The following ENAH variants were observed in gnomAD, a reference collection of about 807,000 sequenced individuals.
ENAH encodes protein enabled homolog.
Under a neutral mutation model 78.7 loss-of-function variants are expected in ENAH, and 23 were observed. The observed-to-expected ratio is 0.29, with a 90% CI of 0.21 to 0.41. The LOEUF (loss-of-function observed/expected upper bound fraction) is 0.41, where lower values mean the gene tolerates loss of function less well. Ranked by LOEUF, ENAH falls within the 10% of genes least tolerant of loss-of-function variation. ENAH has a pLI of 1.00. For synonymous variants in ENAH, 226 were observed against 241.0 expected (o/e 0.94, Z 0.58); for missense variants, 544 against 691.0 (o/e 0.79, Z 2.39).
rs375781528 is a variant in ENAH at position 225,641,950 on chromosome 1, A to C, written c.5+10736T>G. ...GCAGGAGAATCACTTGAACCCGGGAAGCAGAGGTTGCAGTGAGCCAAGACT... is the reference window on the plus strand; with the variant it reads ...GCAGGAGAATCACTTGAACCCGGGACGCAGAGGTTGCAGTGAGCCAAGACT... On this transcript the variant is annotated intron_variant, in intron 1 of 13. Coordinates refer to ENST00000366843, the MANE Select transcript of ENAH (RefSeq NM_018212.6). 2.0e-5 allele frequency among the ~76,000 whole-genome samples: 3 copies of C among 152,004 alleles called. No homozygotes were observed. The East Asian group carries it at 5.8e-4, about 29-fold the overall frequency.
At chr1:225,513,164 T>C in intron 7 of ENAH, 148 bp from the exon 8 acceptor site, 1 of 657,142 alleles carries the variant, frequency 1.5e-6, no homozygotes, top group South Asian at 3.0e-5. Flanking sequence ...CAATAGATTC[T>C]TAGCATGACT....
chr1:225,574,544 G>A (rs897747589), intron 1 of ENAH, among the ~76,000 whole-genome samples: 2 of 152,046 alleles, frequency 1.3e-5, no homozygotes, highest in East Asian at 1.9e-4. Context: ...AGAGGTTGCC[G>A]TGAGCCAACA....
chr1:225,499,806 T>C lies in ENAH; in HGVS notation c.1617+1186A>G, dbSNP rs140120059. ...AGAATTAGTTTTGAATTGTGTGACT[T>C]TAACACTGAATACCCCAGGAAAAAT... On this transcript the variant is annotated intron_variant, in intron 12 of 13. Transcript: ENST00000366843. Among the ~76,000 whole-genome samples the C allele has an allele frequency of 3.3e-3, 502 of 152,342 alleles. 1 individual carries two copies. Among genetic ancestry groups the C allele is most frequent in the African/African-American group, 0.012 (480 of 41,572 alleles).
At chr1:225,515,881 C>T (rs2096413647) in intron 6 of ENAH, among the ~76,000 whole-genome samples, 2 of 152,106 alleles carry the variant, frequency 1.3e-5, no homozygotes, top group Admixed American at 1.3e-4. Context: ...CTGACTGTGC[C>T]CATTTTGTAC....
intron 4 of ENAH, among the ~76,000 whole-genome samples, chr1:225,525,610 C>G (rs889703074): frequency 6.6e-6 from 1 of 152,184 alleles, no homozygotes; most frequent in Non-Finnish European, 1.5e-5. Flanking sequence ...CTTAGTCGTG[C>G]GGGAATTACC....
rs138225863 is a variant in ENAH at position 225,501,443 on chromosome 1, T to G, written c.1539-373A>C. 8.8e-4 allele frequency among the ~76,000 whole-genome samples: 134 copies of G among 152,352 alleles called. 1 individual carries two copies. Among genetic ancestry groups the G allele is most frequent in the African/African-American group, 3.2e-3 (134 of 41,578 alleles). On this transcript the variant is annotated intron_variant, in intron 11 of 13. Transcript: ENST00000366843. ...AAATAACACAATCTTGTTTTGTCTT[T>G]CTTTTGAACTTTTACATTATCTACT...
intron 11 of ENAH, among the ~76,000 whole-genome samples, chr1:225,505,595 G>T (rs1419103065): frequency 6.7e-6 from 1 of 149,888 alleles, no homozygotes; most frequent in Non-Finnish European, 1.5e-5. Context: ...AAGAGAAATG[G>T]GGACCTTCAC....
chr1:225,581,242 T>C (rs2096816016), intron 1 of ENAH: 7 of 977,682 alleles, frequency 7.2e-6, no homozygotes, highest in Non-Finnish European at 8.5e-6. Context: ...ACTGAATAGA[T>C]TATTTCACCT....
chr1:225,535,376 A>T, intron 3 of ENAH: 1 of 429,166 alleles, frequency 2.3e-6, no homozygotes, highest in Non-Finnish European at 4.2e-6. Context: ...ATCACAACAT[A>T]AAAACAATAG....
At chr1:225,531,106 A>T (rs2096535272) in intron 3 of ENAH, 1 of 398,442 alleles carries the variant, frequency 2.5e-6, no homozygotes, top group South Asian at 1.3e-4. Context: ...CCTTATTACT[A>T]GACTCCAGTA....
At chr1:225,542,164 G>A (rs908549151) in intron 3 of ENAH, among the ~76,000 whole-genome samples, 1 of 152,206 alleles carries the variant, frequency 6.6e-6, no homozygotes, top group African/African-American at 2.4e-5. Context: ...TTACAGGCAT[G>A]AGCCACTGCG....
intron 6 of ENAH, among the ~76,000 whole-genome samples, chr1:225,516,434 A>G (rs1443090993): frequency 6.6e-6 from 1 of 152,182 alleles, no homozygotes; most frequent in East Asian, 1.9e-4. Context: ...AACTGTTCCA[A>G]AGGAAACTCT....
intron 2 of ENAH, among the ~76,000 whole-genome samples, chr1:225,564,661 A>G (rs1447623705): frequency 6.6e-6 from 1 of 150,922 alleles, no homozygotes; most frequent in Non-Finnish European, 1.5e-5. Flanking sequence ...CTGGTCTTGA[A>G]CTCTTGGGCA....
intron 11 of ENAH, among the ~76,000 whole-genome samples, chr1:225,503,658 C>CAAAAA (rs10683254): frequency 0.051 from 4,136 of 81,574 alleles, 188 homozygotes; most frequent in African/African-American, 0.09. Context: ...CAAACCACCT[C>CAAAAA]AAAAAAAAAA....
intron 3 of ENAH, among the ~76,000 whole-genome samples, chr1:225,550,681 T>C (rs990828512): frequency 3.3e-5 from 5 of 152,098 alleles, no homozygotes; most frequent in Non-Finnish European, 7.4e-5. Flanking sequence ...TTATAAAACC[T>C]CTAGAAAATT....
intron 10 of ENAH, among the ~76,000 whole-genome samples, chr1:225,508,860 T>C (rs2096355029): frequency 6.6e-6 from 1 of 152,248 alleles, no homozygotes; most frequent in Non-Finnish European, 1.5e-5. Flanking sequence ...CTAAAACTGC[T>C]CTGAGTTCCA....
At position 225,535,476 on chromosome 1, in the gene ENAH, G is replaced by A. The variant is rs1159593593; in HGVS notation, c.350-4838C>T. ...GCGCAAGTAGCATGTACCACAGCTT[G>A]AAAAAGTAATGTAAACATAATGTTG... On this transcript the variant is annotated intron_variant, in intron 3 of 13. Transcript: ENST00000366843. 3.9e-6 allele frequency: 5 copies of A among 1,288,526 alleles called. No homozygotes were observed. The East Asian group carries it at 1.7e-4, about 43-fold the overall frequency. The allele number at this position is 1,288,526 out of a possible 1,614,324, so 79.8% of individuals were successfully genotyped here.
At chr1:225,530,020 T>G (rs2096530126) in intron 4 of ENAH, among the ~76,000 whole-genome samples, 2 of 152,188 alleles carry the variant, frequency 1.3e-5, no homozygotes, top group Admixed American at 1.3e-4. Flanking sequence ...CTGCTCACCA[T>G]CCTGGTACTC....
intron 3 of ENAH, among the ~76,000 whole-genome samples, chr1:225,530,861 C>T (rs1428183675): frequency 2.0e-5 from 3 of 152,060 alleles, no homozygotes; most frequent in South Asian, 2.1e-4. Flanking sequence ...AAATGGAAAA[C>T]ATCAACAATA....
Sources: gnomAD v4.1 joint callset for allele counts (sites outside exome capture counted in the v4.1 genomes callset) on GRCh38, gnomAD v4.1.1 for gene constraint, MANE v1.5 for transcripts, NCBI Gene and HGNC (gene_info 2026-07-23, HGNC 2026-07-21) for gene names.